The following NRG3 variants were observed in gnomAD, a reference collection of about 807,000 sequenced individuals.
The protein encoded by NRG3 is neuregulin 3.
A neutral mutation model predicts 66.9 loss-of-function variants in NRG3; 31 were observed. That is an observed-to-expected ratio of 0.46 (90% CI 0.35 to 0.63). The LOEUF is 0.63. Ranked by LOEUF, NRG3 falls within the 20% of genes least tolerant of loss-of-function variation. The probability of loss-of-function intolerance (pLI) is 0.00; values close to 1 mark genes in which losing one functional copy is unlikely to be tolerated. For synonymous variants in NRG3, 393 were observed against 359.4 expected (o/e 1.09, Z -1.06); for missense variants, 910 against 878.9 (o/e 1.04, Z -0.45).
chr10:82,356,467 G>C (rs918403781), intron 1 of NRG3, among the ~76,000 whole-genome samples: 4 of 152,300 alleles, frequency 2.6e-5, no homozygotes, highest in African/African-American at 9.6e-5. Context: ...CAGAGCTCTT[G>C]AATTTTAAAT....
intron 3 of NRG3, among the ~76,000 whole-genome samples, chr10:82,794,846 T>A (rs998191): frequency 0.033 from 4,955 of 152,244 alleles, 174 homozygotes; most frequent in East Asian, 0.19. Flanking sequence ...AACCTTTACA[T>A]CCTCTAATGG....
Position 82,520,074 on chromosome 10 carries a change from GGTAA to G in NRG3, c.953+161209_953+161212del, listed in dbSNP as rs1475343571. Among the ~76,000 whole-genome samples the G allele has an allele frequency of 4.6e-5, 7 of 151,376 alleles. No homozygotes were observed. The East Asian group carries it at 1.4e-3, about 29-fold the overall frequency. ...TAGATCATTTTTCCTGTGCTATGGG[GGTAA>G]GTGTTAGCTTCTTTCTCCTGGACTA... On this transcript the variant is annotated intron_variant, in intron 2 of 8. Coordinates refer to ENST00000372141, the MANE Select transcript of NRG3 (RefSeq NM_001010848.4).
At chr10:82,208,114 A>C (rs2075216985) in intron 1 of NRG3, among the ~76,000 whole-genome samples, 1 of 152,172 alleles carries the variant, frequency 6.6e-6, no homozygotes, top group South Asian at 2.1e-4. Context: ...AATATAGGGA[A>C]GTTTTTTAAC....
chr10:82,769,564 G>A (rs1026477441), intron 3 of NRG3, among the ~76,000 whole-genome samples: 1 of 152,076 alleles, frequency 6.6e-6, no homozygotes, highest in African/African-American at 2.4e-5. Context: ...ACTGTGATAT[G>A]TGTTTAGGAT....
At chr10:82,630,082 C>T (rs2049709760) in intron 2 of NRG3, among the ~76,000 whole-genome samples, 1 of 152,106 alleles carries the variant, frequency 6.6e-6, no homozygotes, top group South Asian at 2.1e-4. Context: ...GCAACTAAAT[C>T]GCAGTTTCCA....
intron 1 of NRG3, among the ~76,000 whole-genome samples, chr10:82,051,042 G>C (rs1332729572): frequency 6.6e-6 from 1 of 152,076 alleles, no homozygotes; most frequent in Non-Finnish European, 1.5e-5. Flanking sequence ...TTTAATGGCA[G>C]TAAAATGGGC....
At chr10:82,621,524 C>T (rs1430605494) in intron 2 of NRG3, among the ~76,000 whole-genome samples, 1 of 152,164 alleles carries the variant, frequency 6.6e-6, no homozygotes, top group Non-Finnish European at 1.5e-5. Context: ...TGCGTGTTGG[C>T]TGTTAGTATC....
At chr10:82,708,107 G>A (rs910752967) in intron 2 of NRG3, among the ~76,000 whole-genome samples, 8 of 151,978 alleles carry the variant, frequency 5.3e-5, no homozygotes, top group East Asian at 3.9e-4. Flanking sequence ...ACTCATATCC[G>A]TTTTTAATCT....
At chr10:82,456,373 C>T (rs1356650315) in intron 2 of NRG3, among the ~76,000 whole-genome samples, 1 of 151,938 alleles carries the variant, frequency 6.6e-6, no homozygotes, top group Non-Finnish European at 1.5e-5. Flanking sequence ...CCCTGTGTTG[C>T]CCAGGCTGGT....
Position 82,985,477 on chromosome 10 carries a change from G to A in NRG3, c.1963G>A (p.Val655Ile), listed in dbSNP as rs143042604. The change falls in exon 9 of 9, where the codon GTA (valine) becomes ATA (isoleucine). Residue 655 changes from valine (V) to isoleucine (I), a missense_variant. Transcript: ENST00000372141. The part of the protein sequence containing the change: ...RRSEDYELAS[V>I]ETEDSASENT... The stretch of plus-strand genomic sequence containing the variant: ...GTCAGAAGACTACGAACTGGCCAGC[G>A]TAGAAACCGAGGACAGTGCAAGCGA... 73 of 1,613,924 alleles carry A rather than the reference G, an allele frequency of 4.5e-5. No individual in the cohort carries two copies. In the African/African-American group the frequency reaches 7.5e-4, roughly 17 times the overall value.
rs971671601 is a variant in NRG3 at position 81,958,279 on chromosome 10, C to T, written c.823+82116C>T. The stretch of plus-strand genomic sequence containing the variant: ...ACAAATCTTTGTTTATTCAGATCTC[C>T]AGGAAGCAAATGGTATTCTTTTGCA... On this transcript the variant is annotated intron_variant, in intron 1 of 8. Transcript: ENST00000372141. Among the ~76,000 whole-genome samples, 7 of 152,088 alleles carry T rather than the reference C, an allele frequency of 4.6e-5. No homozygotes were observed. In the East Asian group the frequency reaches 1.3e-3, roughly 29 times the overall value.
chr10:82,309,853 T>C (rs184185897), intron 1 of NRG3, among the ~76,000 whole-genome samples: 11 of 152,222 alleles, frequency 7.2e-5, no homozygotes, highest in Admixed American at 7.2e-4. Flanking sequence ...CATCTGCCAA[T>C]GCAATTTCTC....
At chr10:82,294,403 T>C (rs1311169403) in intron 1 of NRG3, among the ~76,000 whole-genome samples, 4 of 152,090 alleles carry the variant, frequency 2.6e-5, no homozygotes, top group Non-Finnish European at 4.4e-5. Context: ...AGTGATGTTG[T>C]GTAACTAATA....
Position 81,976,014 on chromosome 10 carries a change from G to T in NRG3, c.823+99851G>T, listed in dbSNP as rs141621821. On this transcript the variant is annotated intron_variant, in intron 1 of 8. Coordinates refer to ENST00000372141, the MANE Select transcript of NRG3 (RefSeq NM_001010848.4). ...GAATCTTTTCTTGAGATTTCAGAAG[G>T]AATTTAACTCTGTTACAACCTGATT... 4.4e-3 allele frequency among the ~76,000 whole-genome samples: 666 copies of T among 152,192 alleles called. 1 individual carries two copies. The highest frequency in any genetic ancestry group is 0.01 in the Middle Eastern group (3 of 294).
At chr10:82,323,489 C>CTTT (rs112236835) in intron 1 of NRG3, among the ~76,000 whole-genome samples, 4,123 of 136,724 alleles carry the variant, frequency 0.03, 148 homozygotes, top group African/African-American at 0.1. Context: ...ACATATTATC[C>CTTT]TTTTTTTTTT....
intron 3 of NRG3, among the ~76,000 whole-genome samples, chr10:82,863,430 C>T (rs188511124): frequency 1.5e-4 from 23 of 152,276 alleles, no homozygotes; most frequent in Admixed American, 7.8e-4. Context: ...CTTGAGGAAT[C>T]GCCACACTGC....
At chr10:82,320,122 C>G (rs1325191448) in intron 1 of NRG3, among the ~76,000 whole-genome samples, 1 of 152,168 alleles carries the variant, frequency 6.6e-6, no homozygotes, top group Non-Finnish European at 1.5e-5. Context: ...TCAATAAATT[C>G]TAACTGCTCA....
chr10:82,480,343 A>G (rs1375190045), intron 2 of NRG3, among the ~76,000 whole-genome samples: 1 of 152,196 alleles, frequency 6.6e-6, no homozygotes, highest in African/African-American at 2.4e-5. Context: ...TCAACAGGTG[A>G]TGTTTAAGCT....
chr10:82,256,684 T>C (rs2077744647), intron 1 of NRG3, among the ~76,000 whole-genome samples: 1 of 152,192 alleles, frequency 6.6e-6, no homozygotes, highest in Non-Finnish European at 1.5e-5. Context: ...TGGGGAATAT[T>C]GATGTCTTCT....
Sources: allele counts gnomAD v4.1 joint callset (sites outside exome capture counted in the v4.1 genomes callset), GRCh38; gene constraint gnomAD v4.1.1; transcripts MANE v1.5; gene names NCBI Gene and HGNC (gene_info 2026-07-23, HGNC 2026-07-21).